EYA1: variants seen among roughly 807,000 people sequenced by gnomAD.
The protein encoded by EYA1 is protein phosphatase EYA1.
EYA1 carries 16 observed loss-of-function variants against 82.0 expected under a neutral mutation model. The observed-to-expected ratio is 0.20, with a 90% CI of 0.13 to 0.30. EYA1 has a LOEUF of 0.30. Among genes scored for constraint, EYA1 ranks in the 10% least tolerant of loss-of-function variants. The probability of loss-of-function intolerance (pLI) is 1.00; values close to 1 mark genes in which losing one functional copy is unlikely to be tolerated. For missense variants in EYA1, 633 were observed against 730.7 expected (o/e 0.87, Z 1.54); for synonymous variants, 261 against 264.4 (o/e 0.99, Z 0.12).
At chr8:71,538,099 T>G (rs1166534741) in intron 1 of EYA1, among the ~76,000 whole-genome samples, 1 of 152,218 alleles carries the variant, frequency 6.6e-6, no homozygotes, top group African/African-American at 2.4e-5. Flanking sequence ...TTTCCAGATT[T>G]CTACATGTCA....
At chr8:71,423,195 A>C (rs114267516) in intron 2 of EYA1, among the ~76,000 whole-genome samples, 149 of 152,300 alleles carry the variant, frequency 9.8e-4, no homozygotes, top group African/African-American at 3.5e-3. Flanking sequence ...CCAAAAGTTT[A>C]GAAGAGCTCT....
chr8:71,203,602 G>T (rs1807350691), intron 17 of EYA1, among the ~76,000 whole-genome samples: 1 of 152,146 alleles, frequency 6.6e-6, no homozygotes, highest in African/African-American at 2.4e-5. Flanking sequence ...AAATCGTAGA[G>T]ATGTTAAGGA....
At chr8:71,414,683 A>C (rs138681789) in intron 2 of EYA1, among the ~76,000 whole-genome samples, 1 of 152,294 alleles carries the variant, frequency 6.6e-6, no homozygotes, top group African/African-American at 2.4e-5. Context: ...ACATATGTCA[A>C]ATTTTTCCAC....
chr8:71,395,938 G>A (rs1829579619), intron 2 of EYA1, among the ~76,000 whole-genome samples: 1 of 152,096 alleles, frequency 6.6e-6, no homozygotes. Flanking sequence ...TTTTTGGTTG[G>A]TAGGCTATTA....
intron 11 of EYA1, among the ~76,000 whole-genome samples, chr8:71,265,157 TTTTTG>T (rs1267183041): frequency 1.4e-5 from 2 of 147,742 alleles, no homozygotes; most frequent in Non-Finnish European, 3.0e-5. Flanking sequence ...CAAGTTTTTG[TTTTTG>T]TTTTGTTTTT....
At chr8:71,443,345 G>T (rs983130352) in intron 2 of EYA1, among the ~76,000 whole-genome samples, 1 of 152,158 alleles carries the variant, frequency 6.6e-6, no homozygotes, top group East Asian at 1.9e-4. Flanking sequence ...AGGCTGGAGC[G>T]CAGTGGCACA....
chr8:71,538,320 T>A (rs1027721284), intron 1 of EYA1, among the ~76,000 whole-genome samples: 1 of 152,226 alleles, frequency 6.6e-6, no homozygotes, highest in South Asian at 2.1e-4. Context: ...AACCATGCCT[T>A]ACTCTCTGGT....
chr8:71,547,241 G>A (rs1432398258), intron 1 of EYA1, among the ~76,000 whole-genome samples: 1 of 152,194 alleles, frequency 6.6e-6, no homozygotes, highest in East Asian at 1.9e-4. Context: ...CTGCCCTCCA[G>A]ATGTTTCCCA....
intron 9 of EYA1, among the ~76,000 whole-genome samples, chr8:71,285,155 G>A (rs1053024338): frequency 6.6e-6 from 1 of 152,158 alleles, no homozygotes; most frequent in Admixed American, 6.5e-5. Flanking sequence ...GAGAAACTGC[G>A]TTTTCTACTT....
intron 2 of EYA1, among the ~76,000 whole-genome samples, chr8:71,433,788 T>C (rs1482596497): frequency 6.6e-6 from 1 of 152,140 alleles, no homozygotes; most frequent in East Asian, 1.9e-4. Context: ...TCATTCAGCA[T>C]CCTGAAGGCC....
intron 2 of EYA1, among the ~76,000 whole-genome samples, chr8:71,512,165 C>A (rs1449648015): frequency 1.3e-5 from 2 of 152,140 alleles, no homozygotes; most frequent in Non-Finnish European, 2.9e-5. Flanking sequence ...AATGCCAACT[C>A]CAATTTATCA....
chr8:71,201,228 A>T (rs1806962041), intron 17 of EYA1, among the ~76,000 whole-genome samples: 1 of 123,284 alleles, frequency 8.1e-6, no homozygotes, highest in South Asian at 2.4e-4. Context: ...TGTACTAGTT[A>T]AAAAAAAAAG....
In EYA1 at chr8:71,288,047, C is replaced by A. The variant is rs1238726135; in HGVS notation, c.826+11000G>T. ...AGCCCAACTCCAAATCCCTAGCCACCACTCCAGTTTTTCCTAATTGTATTC... is the reference window on the plus strand; with the variant it reads ...AGCCCAACTCCAAATCCCTAGCCACAACTCCAGTTTTTCCTAATTGTATTC... On this transcript the variant is annotated intron_variant, in intron 9 of 17. Coordinates refer to ENST00000340726, the MANE Select transcript of EYA1 (RefSeq NM_000503.6). Among the ~76,000 whole-genome samples the A allele has an allele frequency of 4.6e-5, 7 of 152,226 alleles. No homozygotes were observed. In the East Asian group the frequency reaches 1.4e-3, roughly 29 times the overall value.
intron 11 of EYA1, among the ~76,000 whole-genome samples, chr8:71,253,346 A>C (rs564923601): frequency 6.6e-6 from 1 of 152,184 alleles, no homozygotes; most frequent in African/African-American, 2.4e-5. Context: ...AGAGTTTAAA[A>C]TTTGGGGGTA....
At chr8:71,417,204 C>A (rs950410868) in intron 2 of EYA1, among the ~76,000 whole-genome samples, 1 of 152,186 alleles carries the variant, frequency 6.6e-6, no homozygotes, top group Non-Finnish European at 1.5e-5. Flanking sequence ...TCATGTGAGT[C>A]AGTACTCCTT....
chr8:71,365,933 G>A (rs773569849), upstream of EYA1, among the ~76,000 whole-genome samples: 1 of 152,162 alleles, frequency 6.6e-6, no homozygotes, highest in Non-Finnish European at 1.5e-5. Flanking sequence ...AACATGATTA[G>A]CTTTTAACAG....
chr8:71,451,290 A>G (rs550019555), intron 2 of EYA1, among the ~76,000 whole-genome samples: 89 of 152,376 alleles, frequency 5.8e-4, no homozygotes, highest in African/African-American at 1.8e-3. Context: ...AATATGGAAC[A>G]AACAAAATAT....
chr8:71,367,952 G>T (rs1827851177), intron 2 of EYA1, among the ~76,000 whole-genome samples: 1 of 152,168 alleles, frequency 6.6e-6, no homozygotes, highest in African/African-American at 2.4e-5. Context: ...GTGGTCTTTA[G>T]ATACTCCTAA....
At chr8:71,416,171 G>A (rs919020158) in intron 2 of EYA1, among the ~76,000 whole-genome samples, 10 of 152,182 alleles carry the variant, frequency 6.6e-5, no homozygotes, top group African/African-American at 2.2e-4. Flanking sequence ...AGCACTAGGG[G>A]CATTTTTTCC....
Sources: gnomAD v4.1 joint callset for allele counts (sites outside exome capture counted in the v4.1 genomes callset) on GRCh38, gnomAD v4.1.1 for gene constraint, MANE v1.5 for transcripts, NCBI Gene and HGNC (gene_info 2026-07-23, HGNC 2026-07-21) for gene names.